The following GNG7 variants were observed in gnomAD, a reference collection of about 807,000 sequenced individuals.
The protein encoded by GNG7 is guanine nucleotide-binding protein G(I)/G(S)/G(O) subunit gamma-7.
GNG7 carries 1 observed loss-of-function variant against 4.0 expected under a neutral mutation model. The observed-to-expected ratio is 0.25, with a 90% CI of 0.09 to 1.18. GNG7 has a LOEUF of 1.18. Ranked by LOEUF, GNG7 falls within the 50% of genes most tolerant of loss-of-function variation. The probability of loss-of-function intolerance (pLI) is 0.50; values close to 1 mark genes in which losing one functional copy is unlikely to be tolerated. For missense variants in GNG7, 86 were observed against 91.9 expected (o/e 0.94, Z 0.26); for synonymous variants, 34 against 36.9 (o/e 0.92, Z 0.29).
At chr19:2,612,470 A>G (rs1221938313) in intron 2 of GNG7, among the ~76,000 whole-genome samples, 3 of 152,040 alleles carry the variant, frequency 2.0e-5, no homozygotes, top group Non-Finnish European at 2.9e-5. Context: ...CCAGCCTGGG[A>G]GAGGGGAGGG....
At chr19:2,665,162 C>G (rs1368099270) in intron 1 of GNG7, among the ~76,000 whole-genome samples, 1 of 152,162 alleles carries the variant, frequency 6.6e-6, no homozygotes, top group Non-Finnish European at 1.5e-5. Flanking sequence ...AAGCAGACTC[C>G]ATTTCTTCTC....
chr19:2,553,487 ATATTT>A (rs963895549), intron 3 of GNG7, among the ~76,000 whole-genome samples: 2 of 137,862 alleles, frequency 1.5e-5, no homozygotes, highest in Non-Finnish European at 3.1e-5. Context: ...ACTATATATT[ATATTT>A]TATATGTACA....
chr19:2,663,888 G>T (rs1754694655), intron 1 of GNG7, among the ~76,000 whole-genome samples: 1 of 152,116 alleles, frequency 6.6e-6, no homozygotes, highest in Non-Finnish European at 1.5e-5. Flanking sequence ...GGCCGTTCTG[G>T]GCACTGCACA....
chr19:2,672,787 T>G (rs1352888749), intron 1 of GNG7, among the ~76,000 whole-genome samples: 3 of 152,078 alleles, frequency 2.0e-5, no homozygotes, highest in African/African-American at 7.2e-5. Context: ...ATTCAAAGTT[T>G]AAAGCCACTG....
chr19:2,534,284 G>A (rs1333423898), intron 3 of GNG7, among the ~76,000 whole-genome samples: 2 of 152,036 alleles, frequency 1.3e-5, no homozygotes, highest in East Asian at 3.9e-4. Flanking sequence ...GCAGATCCCC[G>A]TGTACTCCAC....
intron 2 of GNG7, among the ~76,000 whole-genome samples, chr19:2,593,402 C>T (rs1001657818): frequency 1.1e-4 from 16 of 151,900 alleles, no homozygotes; most frequent in South Asian, 2.1e-4. Context: ...TTAAAATATT[C>T]GTTCTATATA....
At chr19:2,660,479 A>C (rs1983117191) in intron 1 of GNG7, among the ~76,000 whole-genome samples, 1 of 152,192 alleles carries the variant, frequency 6.6e-6, no homozygotes, top group Admixed American at 6.5e-5. Flanking sequence ...ACAAGCTAGA[A>C]AGTAGACGAG....
At chr19:2,601,638 C>A (rs1981201417) in intron 2 of GNG7, among the ~76,000 whole-genome samples, 2 of 152,118 alleles carry the variant, frequency 1.3e-5, no homozygotes, top group South Asian at 4.1e-4. Flanking sequence ...GAAGGCCGGG[C>A]ATGGTGGCTC....
At chr19:2,649,310 G>A (rs567085290) in intron 1 of GNG7, among the ~76,000 whole-genome samples, 3 of 151,840 alleles carry the variant, frequency 2.0e-5, no homozygotes, top group African/African-American at 4.8e-5. Flanking sequence ...CAGCGACACC[G>A]TACACAACTA....
chr19:2,624,786 C>T (rs1293599117), intron 2 of GNG7, among the ~76,000 whole-genome samples: 2 of 152,224 alleles, frequency 1.3e-5, no homozygotes, highest in African/African-American at 4.8e-5. Flanking sequence ...GTAATTACCC[C>T]CAGGCAGAGG....
At chr19:2,687,724 C>A (rs547342536) in intron 1 of GNG7, among the ~76,000 whole-genome samples, 1 of 151,910 alleles carries the variant, frequency 6.6e-6, no homozygotes, top group East Asian at 1.9e-4. Flanking sequence ...GCCTGTAATT[C>A]CAGCACTTTG....
chr19:2,523,562 G>A (rs1978321154), intron 3 of GNG7, among the ~76,000 whole-genome samples: 3 of 152,074 alleles, frequency 2.0e-5, no homozygotes. Flanking sequence ...ATCCCTGTTA[G>A]TGCCTCAACT....
chr19:2,578,898 C>T (rs1303517586), intron 2 of GNG7, among the ~76,000 whole-genome samples: 2 of 152,214 alleles, frequency 1.3e-5, no homozygotes, highest in Admixed American at 6.5e-5. Flanking sequence ...CTCCCGGCCC[C>T]CCAGGGGCCG....
chr19:2,656,029 CAA>C lies in GNG7; in HGVS notation c.-134-9751_-134-9750del, dbSNP rs55687607. On this transcript the variant is annotated intron_variant, in intron 1 of 4. Coordinates refer to ENST00000382159, the MANE Select transcript of GNG7 (RefSeq NM_052847.3). ...GACAGAGTGAGACTCCGATTCAAAACAAAAAAAAAAAAAAGAAAGAAAGAAAA... is the reference window on the plus strand; with the variant it reads ...GACAGAGTGAGACTCCGATTCAAAACAAAAAAAAAAAAGAAAGAAAGAAAA... Among the ~76,000 whole-genome samples, 55 of 98,066 alleles carry C rather than the reference CAA, an allele frequency of 5.6e-4. No individual in the cohort carries two copies. The East Asian group carries it at 5.7e-3, about 10-fold the overall frequency. 64.3% of individuals were successfully genotyped at this position (98,066 alleles called of 152,430 possible).
intron 2 of GNG7, among the ~76,000 whole-genome samples, chr19:2,619,965 G>A (rs570200065): frequency 3.4e-4 from 52 of 151,740 alleles, no homozygotes; most frequent in East Asian, 7.8e-4. Context: ...AGGACGAGGG[G>A]GGGGCGCGGA....
intron 2 of GNG7, among the ~76,000 whole-genome samples, chr19:2,580,969 T>A (rs1405078492): frequency 6.6e-6 from 1 of 151,982 alleles, no homozygotes; most frequent in Non-Finnish European, 1.5e-5. Context: ...TTCACCATGT[T>A]GGCCAGGATG....
chr19:2,645,179 C>G, intron 2 of GNG7, among the ~76,000 whole-genome samples: 1 of 151,896 alleles, frequency 6.6e-6, no homozygotes, highest in East Asian at 1.9e-4. Flanking sequence ...CCAGCCTGGG[C>G]AACAAAGCAA....
chr19:2,548,743 C>T (rs546367133), intron 3 of GNG7, among the ~76,000 whole-genome samples: 15 of 151,946 alleles, frequency 9.9e-5, no homozygotes, highest in Middle Eastern at 3.4e-3. Context: ...GAGCCAAGAT[C>T]GTGCCACTAC....
rs112588971 is a variant in GNG7, at chr19:2,617,611, T to C, written c.-78+28613A>G. On this transcript the variant is annotated intron_variant, in intron 2 of 4. Coordinates refer to ENST00000382159, the MANE Select transcript of GNG7 (RefSeq NM_052847.3). This position sits in a 1 kb window ranked among gnomAD's most constrained non-coding sequence, Gnocchi z 4.7. ...CTCCTGCCTTCAATGCTCCTCCCCA[T>C]CCTGCAGGGGTTGGCAAGGATGTCC... 0.018 allele frequency among the ~76,000 whole-genome samples: 2,788 copies of C among 152,140 alleles called. 72 individuals carry two copies. The highest frequency in any genetic ancestry group is 0.063 in the African/African-American group (2,600 of 41,490).
Sources: allele counts gnomAD v4.1 joint callset (sites outside exome capture counted in the v4.1 genomes callset), GRCh38; gene constraint gnomAD v4.1.1; non-coding constraint Gnocchi (gnomAD v3.1); transcripts MANE v1.5; gene names NCBI Gene and HGNC (gene_info 2026-07-23, HGNC 2026-07-21).